The following LMBRD2 variants were observed in gnomAD, a reference collection of about 807,000 sequenced individuals.
LMBRD2 encodes the protein LMBR1 domain containing 2.
Under a neutral mutation model 94.4 loss-of-function variants are expected in LMBRD2, and 55 were observed. The observed-to-expected ratio is 0.58, with a 90% CI of 0.47 to 0.73. The LOEUF is 0.73. Among genes scored for constraint, LMBRD2 ranks in the 30% least tolerant of loss-of-function variants. The pLI is 0.00. For synonymous variants in LMBRD2, 246 were observed against 272.4 expected (o/e 0.90, Z 0.95); for missense variants, 640 against 831.9 (o/e 0.77, Z 2.84).
chr5:36,101,796 G>A lies in LMBRD2; in HGVS notation c.*2250C>T, dbSNP rs150826229. 2 of 151,914 alleles carry A rather than the reference G, an allele frequency of 1.3e-5. No individual in the cohort carries two copies. The highest frequency in any genetic ancestry group is 6.6e-5 in the Admixed American group (1 of 15,230). 9.4% of individuals were successfully genotyped at this position (151,914 alleles called of 1,614,324 possible). A position where few individuals can be genotyped will look rare whatever the true frequency, so the allele number is the denominator to read the frequency against. ...GAAAGTCATAAAGGAATCTATACCG[G>A]TTGTGAAGTGTATGCACGTATACAC... On this transcript the variant is annotated 3_prime_UTR_variant, in exon 18 of 18. Transcript: ENST00000296603.
In LMBRD2 at chr5:36,115,121, C is replaced by T; in HGVS notation, c.1437-1G>A. 6.3e-7 allele frequency: 1 copy of T among 1,579,778 alleles called. No individual in the cohort carries two copies. ...AGGAGGTGTCAAACGGCAAAATAGC[C>T]TGCAACAAACATTTAAAAATATGTA... On this transcript the variant is annotated splice_acceptor_variant, in intron 11 of 17. Transcript: ENST00000296603. LOFTEE classifies it high-confidence loss of function.
rs777635291 is a variant in LMBRD2, at chr5:36,108,537, G to A, written c.1894C>T (p.Arg632Cys). 7.9e-6 allele frequency: 12 copies of A among 1,515,408 alleles called. No individual in the cohort carries two copies. Among genetic ancestry groups the A allele is most frequent in the Middle Eastern group, 1.7e-4 (1 of 5,780 alleles). 93.9% of individuals were successfully genotyped at this position (1,515,408 alleles called of 1,614,324 possible). A position where few individuals can be genotyped will look rare whatever the true frequency, so the allele number is the denominator to read the frequency against. ...ESNFSDVNTNRSAFKYTRANN... is the reference protein window; with the variant it reads ...ESNFSDVNTNCSAFKYTRANN... ...AACTAGAAGATAAACTACTTACAAC[G>A]GTTGGTATTAACATCTGAGAAGTTT... The change falls in exon 16 of 18, where the codon CGT (arginine) becomes TGT (cysteine). Residue 632 changes from arginine to cysteine, a missense_variant. This residue lies in a region of LMBRD2 where 183 missense variants were observed against 189.1 expected (regional missense o/e 0.97). Transcript: ENST00000296603.
chr5:36,100,465 T>G lies in LMBRD2; in HGVS notation c.*3581A>C, dbSNP rs1743324502. 6.6e-6 allele frequency: 1 copy of G among 151,960 alleles called. No individual in the cohort carries two copies. The highest frequency in any genetic ancestry group is 2.1e-4 in the South Asian group (1 of 4,836). 9.4% of individuals were successfully genotyped at this position (151,960 alleles called of 1,614,324 possible). On this transcript the variant is annotated 3_prime_UTR_variant, in exon 18 of 18. Transcript: ENST00000296603. ...GCGTACCACTCATCAAAAACAACTC[T>G]GTACACAAAACAGAAGGAAAATCTT...
At chr5:36,137,147 T>C in intron 5 of LMBRD2, 127 bp downstream of exon 5, 1 of 577,702 alleles carries the variant, frequency 1.7e-6, no homozygotes, top group East Asian at 2.9e-5. Flanking sequence ...TTTGGGGAAA[T>C]CCATAAAATA....
chr5:36,104,284 A>T (rs1279940131), intron 17 of LMBRD2, among the ~76,000 whole-genome samples, 178 bp from the exon 18 acceptor site: 1 of 151,970 alleles, frequency 6.6e-6, no homozygotes, highest in Admixed American at 6.6e-5. Flanking sequence ...CTTAATTATA[A>T]ATCAACCAGC....
chr5:36,121,333 G>C (rs779896179), intron 9 of LMBRD2, among the ~76,000 whole-genome samples: 4 of 152,166 alleles, frequency 2.6e-5, no homozygotes, highest in African/African-American at 9.7e-5. Context: ...TGAGATATTT[G>C]TTATAGCCAT....
In LMBRD2 at chr5:36,137,318, T is replaced by C. The variant is rs1259189173; in HGVS notation, c.492A>G (p.Ala164=). The change falls in exon 5 of 18, where the codon GCA becomes GCG. Residue 164 remains alanine (A), a synonymous_variant. Transcript: ENST00000296603. Reference sequence around the variant, plus strand: ...GGTTTACAGCTACATAAATTAAAAATGCTCCAAAAATCAGCAAATAGGTGC... The same window carrying C: ...GGTTTACAGCTACATAAATTAAAAACGCTCCAAAAATCAGCAAATAGGTGC... ...YYGTYLLIFG[A]FLIYVAVNPH... is the part of the protein sequence containing the mutation. 11 of 1,602,810 alleles carry C rather than the reference T, an allele frequency of 6.9e-6. No homozygotes were observed. The highest frequency in any genetic ancestry group is 9.4e-6 in the Non-Finnish European group (11 of 1,172,212).
At chr5:36,150,743 T>G (rs183161118) in intron 1 of LMBRD2, among the ~76,000 whole-genome samples, 100 of 152,336 alleles carry the variant, frequency 6.6e-4, no homozygotes, top group African/African-American at 2.4e-3. Flanking sequence ...ATCCCTTCTT[T>G]ACACCAATCT....
intron 16 of LMBRD2, among the ~76,000 whole-genome samples, chr5:36,108,279 T>C (rs897818001): frequency 6.6e-6 from 1 of 152,168 alleles, no homozygotes; most frequent in African/African-American, 2.4e-5. Flanking sequence ...GGATAAGTGC[T>C]TACATTATTT....
intron 9 of LMBRD2, among the ~76,000 whole-genome samples, chr5:36,120,702 C>T (rs1743869742): frequency 6.6e-6 from 1 of 152,110 alleles, no homozygotes; most frequent in African/African-American, 2.4e-5. Context: ...TCTCCAATTG[C>T]TCCTCTTCTT....
chr5:36,128,351 T>C (rs1290891794), intron 6 of LMBRD2, among the ~76,000 whole-genome samples: 1 of 152,160 alleles, frequency 6.6e-6, no homozygotes, highest in Non-Finnish European at 1.5e-5. Flanking sequence ...TACCTAACTT[T>C]TCAATGTCCA....
At chr5:36,145,946 A>C (rs1257138567) in intron 1 of LMBRD2, among the ~76,000 whole-genome samples, 3 of 152,358 alleles carry the variant, frequency 2.0e-5, no homozygotes, top group East Asian at 3.9e-4. Context: ...AAATATATTA[A>C]AACATCAATA....
chr5:36,116,559 ATACT>A lies in LMBRD2; in HGVS notation c.1333_1336del (p.Ile446ValfsTer38). On this transcript the variant is annotated frameshift_variant, in exon 11 of 18. Coordinates refer to ENST00000296603, the MANE Select transcript of LMBRD2 (RefSeq NM_001007527.2). LOFTEE classifies it high-confidence loss of function. The stretch of plus-strand genomic sequence containing the variant: ...CCTGAACACAGTAGAATAAACACAG[ATACT>A]TAGGAAGAAGATGGAAAGGAAGCAG... 1 of 1,612,682 alleles carries A rather than the reference ATACT, an allele frequency of 6.2e-7. No homozygotes were observed. Among genetic ancestry groups the A allele is most frequent in the Non-Finnish European group, 8.5e-7 (1 of 1,179,666 alleles).
intron 6 of LMBRD2, among the ~76,000 whole-genome samples, chr5:36,134,832 G>A (rs1744232544): frequency 6.6e-6 from 1 of 152,134 alleles, no homozygotes; most frequent in Admixed American, 6.5e-5. Flanking sequence ...AAGCTTCCCT[G>A]AAGAATTATC....
chr5:36,117,711 A>G (rs749867716), intron 10 of LMBRD2, 24 bp downstream of exon 10: 4 of 1,502,462 alleles, frequency 2.7e-6, no homozygotes, highest in East Asian at 2.3e-5. Context: ...ACATCTATTT[A>G]TGACAGACAT....
chr5:36,136,064 G>A (rs1400776296), intron 6 of LMBRD2, among the ~76,000 whole-genome samples: 1 of 152,142 alleles, frequency 6.6e-6, no homozygotes, highest in African/African-American at 2.4e-5. Context: ...CAAAATAATA[G>A]GCGTAGCCCT....
At chr5:36,105,662 G>T (rs563004245) in intron 16 of LMBRD2, among the ~76,000 whole-genome samples, 1 of 152,186 alleles carries the variant, frequency 6.6e-6, no homozygotes, top group African/African-American at 2.4e-5. Context: ...ATCGGCACTA[G>T]CCGATATTTA....
intron 15 of LMBRD2, among the ~76,000 whole-genome samples, 194 bp from the exon 16 acceptor site, chr5:36,108,833 C>A (rs944373462): frequency 6.6e-6 from 1 of 152,108 alleles, no homozygotes; most frequent in African/African-American, 2.4e-5. Context: ...TCTCTATAAA[C>A]TTCAACTTTT....
intron 13 of LMBRD2, among the ~76,000 whole-genome samples, chr5:36,111,587 T>C (rs1743608048): frequency 6.6e-6 from 1 of 152,102 alleles, no homozygotes; most frequent in South Asian, 2.1e-4. Context: ...GAGCAATTTT[T>C]TTCCTCTGAT....
Sources: gnomAD v4.1 joint callset for allele counts (sites outside exome capture counted in the v4.1 genomes callset) on GRCh38, gnomAD v4.1.1 for gene constraint, gnomAD v4.1.1 regional missense constraint, MANE v1.5 for transcripts, NCBI Gene and HGNC (gene_info 2026-07-23, HGNC 2026-07-21) for gene names.